The following HAPLN1 variants were observed in gnomAD, a reference collection of about 807,000 sequenced individuals.
HAPLN1 encodes the protein Cartilage link protein.
Under a neutral mutation model 36.5 loss-of-function variants are expected in HAPLN1, and 13 were observed. That is an observed-to-expected ratio of 0.36 (90% CI 0.23 to 0.57). The LOEUF (loss-of-function observed/expected upper bound fraction) is 0.57. HAPLN1 is among the 20% of genes least tolerant of loss of function. The probability of loss-of-function intolerance (pLI) is 0.83; values close to 1 mark genes in which losing one functional copy is unlikely to be tolerated. For synonymous variants in HAPLN1, 202 were observed against 169.8 expected (o/e 1.19, Z -1.48); for missense variants, 407 against 439.7 (o/e 0.93, Z 0.66).
At position 83,704,815 on chromosome 5, in the gene HAPLN1, C is replaced by A. The variant is rs182600817; in HGVS notation, c.-27+15974G>T. Among the ~76,000 whole-genome samples the A allele has an allele frequency of 1.8e-3, 280 of 152,234 alleles. 1 individual carries two copies. Among genetic ancestry groups the A allele is most frequent in the Admixed American group, 0.011 (164 of 15,286 alleles). On this transcript the variant is annotated intron_variant, in intron 1 of 4. Transcript: ENST00000274341. ...CCAACATAGTAATAGTGGGACAGTT[C>A]AACATTCCACTGACAGTATTAGACA... is the stretch of plus-strand genomic sequence containing the variant.
intron 1 of HAPLN1, among the ~76,000 whole-genome samples, chr5:83,716,890 G>T (rs1295973419): frequency 6.6e-6 from 1 of 152,050 alleles, no homozygotes; most frequent in Non-Finnish European, 1.5e-5. Context: ...AAATTAGCCG[G>T]GCATGGTGAC....
chr5:83,663,680 T>A (rs1750473877), intron 2 of HAPLN1, among the ~76,000 whole-genome samples: 1 of 152,180 alleles, frequency 6.6e-6, no homozygotes, highest in East Asian at 1.9e-4. Flanking sequence ...TCAATTTAGT[T>A]TATGCCTCCA....
intron 1 of HAPLN1, among the ~76,000 whole-genome samples, chr5:83,684,217 C>T (rs1051909079): frequency 1.3e-5 from 2 of 152,124 alleles, no homozygotes; most frequent in African/African-American, 4.8e-5. Flanking sequence ...TTACATATCT[C>T]AGGGGCACCT....
At chr5:83,699,840 A>G (rs186828571) in intron 1 of HAPLN1, among the ~76,000 whole-genome samples, 37 of 152,332 alleles carry the variant, frequency 2.4e-4, no homozygotes, top group Middle Eastern at 3.4e-3. Flanking sequence ...CATGAAGCAA[A>G]CAACACTTCT....
chr5:83,645,556 T>A (rs1749849980), intron 3 of HAPLN1, among the ~76,000 whole-genome samples: 1 of 148,724 alleles, frequency 6.7e-6, no homozygotes, highest in African/African-American at 2.5e-5. Flanking sequence ...CTTCTTCCAA[T>A]GTGGCCGAGG....
chr5:83,661,566 T>A (rs921397831), intron 2 of HAPLN1, among the ~76,000 whole-genome samples: 1 of 143,208 alleles, frequency 7.0e-6, no homozygotes, highest in Non-Finnish European at 1.5e-5. Context: ...TGCCTCAGCC[T>A]CCCAAGTAGC....
chr5:83,684,214 T>A (rs1483105565), intron 1 of HAPLN1, among the ~76,000 whole-genome samples: 1 of 152,052 alleles, frequency 6.6e-6, no homozygotes, highest in Non-Finnish European at 1.5e-5. Context: ...GCCTTACATA[T>A]CTCAGGGGCA....
chr5:83,681,998 T>C (rs1751014612), intron 1 of HAPLN1, among the ~76,000 whole-genome samples: 1 of 152,204 alleles, frequency 6.6e-6, no homozygotes, highest in South Asian at 2.1e-4. Flanking sequence ...CACTAGGGTT[T>C]ATATGGGTAG....
intron 1 of HAPLN1, among the ~76,000 whole-genome samples, chr5:83,679,477 G>A (rs1750945169): frequency 1.3e-5 from 2 of 151,896 alleles, no homozygotes; most frequent in Non-Finnish European, 2.9e-5. Context: ...ACCTTTCTCT[G>A]TTTTACTTTC....
chr5:83,691,391 G>T (rs1751269217), intron 1 of HAPLN1, among the ~76,000 whole-genome samples: 1 of 152,000 alleles, frequency 6.6e-6, no homozygotes, highest in Non-Finnish European at 1.5e-5. Context: ...AGGAAAAAAT[G>T]ATCCTAAAGG....
intron 1 of HAPLN1, among the ~76,000 whole-genome samples, chr5:83,685,220 CTACTAGAATGCAAG>C (rs1751091590): frequency 3.9e-5 from 6 of 152,304 alleles, no homozygotes; most frequent in African/African-American, 1.4e-4. Flanking sequence ...GCATGTGTAA[CTACTAGAATGCAAG>C]CTCCAGGAGG....
rs527415809 is a variant in HAPLN1, at chr5:83,664,111, A to T, written c.100+9313T>A. The stretch of plus-strand genomic sequence containing the variant: ...CCTCCTGCCTACTCTCTGAAAGCAC[A>T]ACCTCCCCTCTGACAGGCTGCAGTC... On this transcript the variant is annotated intron_variant, in intron 2 of 4. Coordinates refer to ENST00000274341, the MANE Select transcript of HAPLN1 (RefSeq NM_001884.4). Among the ~76,000 whole-genome samples the T allele has an allele frequency of 1.8e-4, 27 of 152,288 alleles. 1 individual carries two copies. The highest frequency in any genetic ancestry group is 1.7e-3 in the Admixed American group (26 of 15,292).
chr5:83,686,058 T>G (rs1751113150), intron 1 of HAPLN1: 1 of 146,120 alleles, frequency 6.8e-6, no homozygotes, highest in African/African-American at 2.6e-5. Flanking sequence ...TAAATTTCTC[T>G]ACCCTGGCAC....
intron 1 of HAPLN1, among the ~76,000 whole-genome samples, chr5:83,692,939 G>A (rs1191250369): frequency 6.6e-6 from 1 of 151,804 alleles, no homozygotes; most frequent in African/African-American, 2.4e-5. Flanking sequence ...TTATCTTCAA[G>A]GGATACATTC....
chr5:83,639,949 A>G lies in HAPLN1; in HGVS notation c.*1547T>C, dbSNP rs1335795895. On this transcript the variant is annotated 3_prime_UTR_variant, in exon 5 of 5. Transcript: ENST00000274341. The stretch of plus-strand genomic sequence containing the variant: ...ACACAGAACTCTATAGAGTAAATTT[A>G]TTAGAATTATTACAGAGCTTTAAAT... 6.6e-6 allele frequency: 1 copy of G among 152,110 alleles called. No individual in the cohort carries two copies. Among genetic ancestry groups the G allele is most frequent in the Non-Finnish European group, 1.5e-5 (1 of 67,930 alleles). The allele number at this position is 152,110 out of a possible 1,614,324, so 9.4% of individuals were successfully genotyped here.
chr5:83,714,637 A>G (rs1751877947), intron 1 of HAPLN1, among the ~76,000 whole-genome samples: 2 of 152,234 alleles, frequency 1.3e-5, no homozygotes, highest in Non-Finnish European at 1.5e-5. Context: ...TATTTTCAAC[A>G]TGATGGCTGA....
chr5:83,718,985 G>T (rs1030937301), intron 1 of HAPLN1, among the ~76,000 whole-genome samples: 1 of 152,138 alleles, frequency 6.6e-6, no homozygotes, highest in Non-Finnish European at 1.5e-5. Flanking sequence ...ATGCTAAAAG[G>T]CAGGATTGTT....
At chr5:83,648,110 GAC>G (rs2112559834) in intron 3 of HAPLN1, among the ~76,000 whole-genome samples, 1 of 152,070 alleles carries the variant, frequency 6.6e-6, no homozygotes, top group South Asian at 2.1e-4. Flanking sequence ...AATTCCTAGT[GAC>G]ACTCTTTTGT....
chr5:83,706,552 A>G (rs1208135650), intron 1 of HAPLN1, among the ~76,000 whole-genome samples: 1 of 152,220 alleles, frequency 6.6e-6, no homozygotes, highest in Non-Finnish European at 1.5e-5. Flanking sequence ...AAAAACTCTC[A>G]ATAAACTAGG....
Sources: gnomAD v4.1 joint callset for allele counts (sites outside exome capture counted in the v4.1 genomes callset) on GRCh38, gnomAD v4.1.1 for gene constraint, MANE v1.5 for transcripts, NCBI Gene and HGNC (gene_info 2026-07-23, HGNC 2026-07-21) for gene names.